The following CDH18 variants were observed in gnomAD, a reference collection of about 807,000 sequenced individuals.
The protein encoded by CDH18 is cadherin 18.
In CDH18, 31 loss-of-function variants were observed where a neutral mutation model predicts 67.9. The observed-to-expected ratio is 0.46, with a 90% CI of 0.34 to 0.62. The LOEUF (loss-of-function observed/expected upper bound fraction) is 0.62. CDH18 is among the 20% of genes least tolerant of loss of function. The pLI is 0.01. For missense variants in CDH18, 890 were observed against 975.5 expected, an observed-to-expected ratio of 0.91 and a Z score of 1.17; for synonymous variants, 362 against 347.2, an observed-to-expected ratio of 1.04 and a Z score of -0.48.
At chr5:20,465,011 C>T (rs149296272) in intron 1 of CDH18, among the ~76,000 whole-genome samples, 4 of 152,166 alleles carry the variant, frequency 2.6e-5, no homozygotes, top group East Asian at 1.9e-4. Flanking sequence ...ACATTGGTGA[C>T]TATTTGAGAG....
At chr5:20,558,765 G>A (rs769901534) in intron 1 of CDH18, among the ~76,000 whole-genome samples, 2 of 151,824 alleles carry the variant, frequency 1.3e-5, no homozygotes, top group African/African-American at 2.4e-5. Context: ...AGTTTAGGTC[G>A]ACAATCATGC....
At chr5:20,443,266 C>A (rs1372520993) in intron 1 of CDH18, among the ~76,000 whole-genome samples, 1 of 143,502 alleles carries the variant, frequency 7.0e-6, no homozygotes, top group African/African-American at 2.6e-5. Flanking sequence ...ACTAAGAAAG[C>A]TAAGGGAAAA....
At chr5:20,274,501 T>G (rs575817230) in intron 1 of CDH18, among the ~76,000 whole-genome samples, 1 of 152,268 alleles carries the variant, frequency 6.6e-6, no homozygotes, top group East Asian at 1.9e-4. Flanking sequence ...ATACATTTTC[T>G]GAGATGAGAG....
At chr5:20,242,167 CATA>C (rs1360960378) in intron 2 of CDH18, among the ~76,000 whole-genome samples, 13 of 151,534 alleles carry the variant, frequency 8.6e-5, no homozygotes, top group East Asian at 5.8e-4. Context: ...TTCTGAATAT[CATA>C]ATAATTGTAT....
At chr5:19,683,444 T>C (rs1006476923) in intron 5 of CDH18, among the ~76,000 whole-genome samples, 18 of 152,084 alleles carry the variant, frequency 1.2e-4, no homozygotes, top group Admixed American at 1.1e-3. Context: ...CTGCATATTA[T>C]GTGTTTGTGA....
intron 2 of CDH18, among the ~76,000 whole-genome samples, chr5:20,202,003 G>A (rs1415878510): frequency 6.6e-6 from 1 of 152,160 alleles, no homozygotes; most frequent in African/African-American, 2.4e-5. Context: ...CCACAGGACA[G>A]TAGTATGATA....
intron 2 of CDH18, among the ~76,000 whole-genome samples, chr5:20,207,528 T>A (rs1030435435): frequency 6.6e-6 from 1 of 151,902 alleles, no homozygotes; most frequent in East Asian, 1.9e-4. Flanking sequence ...TGGTGGAAGG[T>A]GAAAGGCACA....
chr5:20,352,512 G>C (rs951577864), intron 1 of CDH18, among the ~76,000 whole-genome samples: 6 of 151,764 alleles, frequency 4.0e-5, no homozygotes, highest in African/African-American at 1.2e-4. Flanking sequence ...AGACACGGGT[G>C]GCTCACGCCT....
intron 6 of CDH18, among the ~76,000 whole-genome samples, chr5:19,610,319 ATGACACTATTAT>A (rs1457970936): frequency 6.6e-6 from 1 of 152,114 alleles, no homozygotes; most frequent in Non-Finnish European, 1.5e-5. Context: ...TGCTTCAACA[ATGACACTATTAT>A]TGATCAACAT....
chr5:20,573,919 A>C (rs1758967783), intron 1 of CDH18, among the ~76,000 whole-genome samples: 1 of 86,120 alleles, frequency 1.2e-5, no homozygotes, highest in Admixed American at 1.2e-4. Flanking sequence ...TTATATATAT[A>C]AAAGAAATAT....
At chr5:20,235,595 G>C (rs1742417158) in intron 2 of CDH18, among the ~76,000 whole-genome samples, 1 of 152,120 alleles carries the variant, frequency 6.6e-6, no homozygotes, top group Admixed American at 6.6e-5. Context: ...ACACCATTCA[G>C]AATGGCTTTG....
chr5:19,671,619 A>G (rs2150351976), intron 5 of CDH18, among the ~76,000 whole-genome samples: 1 of 152,220 alleles, frequency 6.6e-6, no homozygotes, highest in South Asian at 2.1e-4. Context: ...AATTTGTCAA[A>G]TAGGATTTTT....
chr5:20,453,597 GTA>G (rs1361368959), intron 1 of CDH18, among the ~76,000 whole-genome samples: 1 of 151,250 alleles, frequency 6.6e-6, no homozygotes, highest in African/African-American at 2.4e-5. Flanking sequence ...GTGTGTATAT[GTA>G]TATATATGTG....
chr5:20,573,495 GAGT>G (rs1178943633), intron 1 of CDH18, among the ~76,000 whole-genome samples: 1 of 151,592 alleles, frequency 6.6e-6, no homozygotes, highest in African/African-American at 2.4e-5. Context: ...ACTTAAAAAT[GAGT>G]AGAAGAATTA....
At chr5:20,035,245 T>C (rs1460667589) in intron 2 of CDH18, among the ~76,000 whole-genome samples, 1 of 152,070 alleles carries the variant, frequency 6.6e-6, no homozygotes. Context: ...ATCCCTGTTT[T>C]GATTGGTATA....
At chr5:19,861,458 A>G (rs4404681) in intron 2 of CDH18, among the ~76,000 whole-genome samples, 121,502 of 152,018 alleles carry the variant, frequency 0.8, 50,427 homozygotes, top group Non-Finnish European at 0.91. Flanking sequence ...AAGGATCCCA[A>G]TGTGAACTTT....
At chr5:20,471,980 A>ATTATCAAGATTTAATCCCTTATCTCCTTC (rs143335601) in intron 1 of CDH18, among the ~76,000 whole-genome samples, 27 of 152,022 alleles carry the variant, frequency 1.8e-4, no homozygotes, top group East Asian at 5.8e-4. Context: ...GCTCCAAAAT[A>ATTATCAAGATTTAATCCCTTATCTCCTTC]AATTCACTGA....
chr5:20,465,677 A>C, intron 1 of CDH18, among the ~76,000 whole-genome samples: 1 of 152,150 alleles, frequency 6.6e-6, no homozygotes, highest in East Asian at 1.9e-4. Flanking sequence ...CCGACATATC[A>C]AATTATGGAT....
chr5:20,024,788 C>T (rs371615974), intron 2 of CDH18, among the ~76,000 whole-genome samples: 3 of 151,936 alleles, frequency 2.0e-5, no homozygotes, highest in Non-Finnish European at 1.5e-5. Flanking sequence ...GAGAGTTTCT[C>T]GGGGATAAAC....
Sources: allele counts gnomAD v4.1 joint callset (sites outside exome capture counted in the v4.1 genomes callset), GRCh38; gene constraint gnomAD v4.1.1; transcripts MANE v1.5; gene names NCBI Gene and HGNC (gene_info 2026-07-23, HGNC 2026-07-21).